Variants in COMMD10 observed in about 807,000 individuals in gnomAD.
The protein encoded by COMMD10 is COMM domain-containing protein 10.
In COMMD10, 33 loss-of-function variants were observed where a neutral mutation model predicts 28.9. That is an observed-to-expected ratio of 1.14 (90% CI 0.87 to 1.53). The LOEUF (loss-of-function observed/expected upper bound fraction) is 1.53. COMMD10 is among the 40% of genes most tolerant of loss of function. COMMD10 has a pLI of 0.00. For missense variants in COMMD10, 310 were observed against 233.4 expected, an observed-to-expected ratio of 1.33 and a Z score of -2.14; for synonymous variants, 110 against 81.7, an observed-to-expected ratio of 1.35 and a Z score of -1.87.
In COMMD10 at chr5:116,140,312, TACAC is replaced by T. The variant is rs375181235; in HGVS notation, c.510+6136_510+6139del. On this transcript the variant is annotated intron_variant, in intron 5 of 6. Coordinates refer to ENST00000274458, the MANE Select transcript of COMMD10 (RefSeq NM_016144.4). ...ATATATATGTACACATATGGACACATACACATACCACAATTTATCCATTGATAGA... is the reference window on the plus strand; with the variant it reads ...ATATATATGTACACATATGGACACATATACCACAATTTATCCATTGATAGA... 5.1e-3 allele frequency among the ~76,000 whole-genome samples: 773 copies of T among 151,628 alleles called. 6 individuals carry two copies. The highest frequency in any genetic ancestry group is 0.018 in the African/African-American group (743 of 41,394).
At chr5:116,093,364 G>A (rs1750361920) in intron 4 of COMMD10, among the ~76,000 whole-genome samples, 1 of 152,188 alleles carries the variant, frequency 6.6e-6, no homozygotes, top group African/African-American at 2.4e-5. Context: ...AAACACCTGA[G>A]GAGAGGGAGG....
intron 5 of COMMD10, among the ~76,000 whole-genome samples, chr5:116,158,962 C>A (rs779628984): frequency 6.6e-6 from 1 of 151,632 alleles, no homozygotes; most frequent in African/African-American, 2.4e-5. Flanking sequence ...ACTAGAGGGT[C>A]TAGGTCACCA....
At chr5:116,111,163 C>T (rs1158073261) in intron 4 of COMMD10, among the ~76,000 whole-genome samples, 1 of 151,960 alleles carries the variant, frequency 6.6e-6, no homozygotes, top group Non-Finnish European at 1.5e-5. Flanking sequence ...GATCTTCTTT[C>T]CTCTGGTTAG....
intron 5 of COMMD10, among the ~76,000 whole-genome samples, chr5:116,174,709 CT>C (rs1328731820): frequency 6.6e-6 from 1 of 152,138 alleles, no homozygotes; most frequent in Non-Finnish European, 1.5e-5. Flanking sequence ...ACCTGGATAA[CT>C]TGTGTCTCTC....
chr5:116,176,643 A>G (rs1199847663), intron 5 of COMMD10, among the ~76,000 whole-genome samples: 1 of 152,064 alleles, frequency 6.6e-6, no homozygotes, highest in African/African-American at 2.4e-5. Flanking sequence ...TCTGATGTTG[A>G]GGGTCCTATA....
chr5:116,262,268 C>G (rs190887304), intron 5 of COMMD10, among the ~76,000 whole-genome samples: 1 of 151,748 alleles, frequency 6.6e-6, no homozygotes, highest in Non-Finnish European at 1.5e-5. Context: ...TCCCTCAAAA[C>G]TGCTGAAGTA....
chr5:116,255,394 T>C (rs1463637654), intron 5 of COMMD10, among the ~76,000 whole-genome samples: 1 of 151,716 alleles, frequency 6.6e-6, no homozygotes, highest in African/African-American at 2.4e-5. Context: ...TTCCTAGTCT[T>C]GATGGTCGTT....
chr5:116,199,070 C>T (rs952917298), intron 5 of COMMD10, among the ~76,000 whole-genome samples: 3 of 152,066 alleles, frequency 2.0e-5, no homozygotes, highest in African/African-American at 7.2e-5. Context: ...TTTGCATTTC[C>T]ACTAACAATG....
At chr5:116,285,320 C>G (rs942890766) in intron 5 of COMMD10, among the ~76,000 whole-genome samples, 4 of 151,940 alleles carry the variant, frequency 2.6e-5, no homozygotes, top group Admixed American at 6.6e-5. Flanking sequence ...AATTTTTGGA[C>G]TCCTTGGGAT....
At chr5:116,256,040 G>A (rs1426118574) in intron 5 of COMMD10, among the ~76,000 whole-genome samples, 2 of 151,658 alleles carry the variant, frequency 1.3e-5, no homozygotes, top group East Asian at 2.0e-4. Flanking sequence ...AAATAAAGTA[G>A]CGCAAATATG....
Position 116,110,407 on chromosome 5 carries a change from CT to C in COMMD10, c.399+17708del, listed in dbSNP as rs1327297993. 4.6e-5 allele frequency among the ~76,000 whole-genome samples: 7 copies of C among 152,246 alleles called. 1 individual carries two copies. The highest frequency in any genetic ancestry group is 3.3e-4 in the Admixed American group (5 of 15,302). ...ATGAGTTAGGGAGAATTCCTTTCCC[CT>C]GTTCCAACTTTTTGGAACAGTTTTA... On this transcript the variant is annotated intron_variant, in intron 4 of 6. Transcript: ENST00000274458.
chr5:116,117,527 G>A (rs1418782428), intron 4 of COMMD10, among the ~76,000 whole-genome samples: 3 of 152,108 alleles, frequency 2.0e-5, no homozygotes, highest in Admixed American at 2.0e-4. Context: ...GCAGTGGCAC[G>A]ATATCGGCTC....
At chr5:116,216,378 G>A (rs1482568337) in intron 5 of COMMD10, among the ~76,000 whole-genome samples, 2 of 152,114 alleles carry the variant, frequency 1.3e-5, no homozygotes, top group Non-Finnish European at 2.9e-5. Context: ...TGTGCTTTCA[G>A]TAGAAGCATA....
At chr5:116,269,586 T>C (rs901044415) in intron 5 of COMMD10, among the ~76,000 whole-genome samples, 6 of 151,956 alleles carry the variant, frequency 3.9e-5, no homozygotes, top group Non-Finnish European at 5.9e-5. Context: ...ATTACATTTA[T>C]AAAATTATAT....
intron 5 of COMMD10, among the ~76,000 whole-genome samples, chr5:116,166,471 G>A (rs1753103038): frequency 6.6e-6 from 1 of 152,098 alleles, no homozygotes; most frequent in African/African-American, 2.4e-5. Context: ...GAAATGCTGT[G>A]CGTTTAGCCC....
At chr5:116,212,776 C>T (rs1364584815) in intron 5 of COMMD10, among the ~76,000 whole-genome samples, 3 of 151,848 alleles carry the variant, frequency 2.0e-5, no homozygotes, top group Non-Finnish European at 4.4e-5. Context: ...GTACAAACAT[C>T]GAAGGCTATC....
At chr5:116,257,687 C>A (rs930610912) in intron 5 of COMMD10, among the ~76,000 whole-genome samples, 1 of 151,492 alleles carries the variant, frequency 6.6e-6, no homozygotes, top group Non-Finnish European at 1.5e-5. Flanking sequence ...GCGATCAGCT[C>A]TTTTCAAAAT....
At chr5:116,222,634 C>T (rs1416683578) in intron 5 of COMMD10, among the ~76,000 whole-genome samples, 1 of 152,044 alleles carries the variant, frequency 6.6e-6, no homozygotes, top group Admixed American at 6.5e-5. Context: ...TTCATTTTGG[C>T]CTTTTGTTCA....
intron 5 of COMMD10, among the ~76,000 whole-genome samples, chr5:116,197,362 CAAATTGTAAGT>C (rs1748552905): frequency 6.6e-6 from 1 of 151,970 alleles, no homozygotes. Flanking sequence ...TGTTTCTTGC[CAAATTGTAAGT>C]AGAGTTGAAA....
Sources: allele counts gnomAD v4.1 joint callset (sites outside exome capture counted in the v4.1 genomes callset), GRCh38; gene constraint gnomAD v4.1.1; transcripts MANE v1.5; gene names NCBI Gene and HGNC (gene_info 2026-07-23, HGNC 2026-07-21).